The following RAB18 variants were observed in gnomAD, a reference collection of about 807,000 sequenced individuals.
The protein encoded by RAB18 is ras-related protein Rab-18.
In RAB18, 10 loss-of-function variants were observed where a neutral mutation model predicts 28.5. The ratio of observed to expected loss-of-function variants is 0.35; its 90% CI spans 0.22 to 0.60. RAB18 has a LOEUF of 0.60. Among genes scored for constraint, RAB18 ranks in the 20% least tolerant of loss-of-function variants. The pLI is 0.78. For missense variants in RAB18, 188 were observed against 244.2 expected (o/e 0.77, Z 1.53); for synonymous variants, 93 against 86.9 (o/e 1.07, Z -0.39).
chr10:27,529,251 G>T (rs1834740273), intron 3 of RAB18, among the ~76,000 whole-genome samples: 1 of 151,916 alleles, frequency 6.6e-6, no homozygotes, highest in Admixed American at 6.6e-5. Flanking sequence ...TGAAGAGGAG[G>T]TAAAGGGTGT....
intron 2 of RAB18, chr10:27,510,165 C>T: frequency 1.8e-6 from 1 of 552,954 alleles, no homozygotes; most frequent in Non-Finnish European, 3.2e-6. Context: ...ATTAAAACTG[C>T]TAATGTGATT....
At position 27,541,780 on chromosome 10, in the gene RAB18, G is replaced by C. The variant is rs530960985; in HGVS notation, c.*3729G>C. On this transcript the variant is annotated 3_prime_UTR_variant, in exon 7 of 7. Transcript: ENST00000356940. ...TGACTTTAATTTCTTGTTTGTGTGT[G>C]CTGTGGCTGCCCGATCCAGCACCTA... 3.3e-4 allele frequency: 148 copies of C among 453,592 alleles called. No homozygotes were observed. The highest frequency in any genetic ancestry group is 5.8e-4 in the Non-Finnish European group (132 of 226,692). 28.1% of individuals were successfully genotyped at this position (453,592 alleles called of 1,614,324 possible). A position where few individuals can be genotyped will look rare whatever the true frequency, so the allele number is the denominator to read the frequency against.
chr10:27,530,300 T>G (rs945817440), intron 3 of RAB18, among the ~76,000 whole-genome samples: 2 of 152,040 alleles, frequency 1.3e-5, no homozygotes, highest in Non-Finnish European at 2.9e-5. Context: ...AATAGCTGCT[T>G]CTTAAATTTC....
Position 27,539,478 on chromosome 10 carries a change from C to G in RAB18, c.*1427C>G, listed in dbSNP as rs1249378161. 3.1e-6 allele frequency: 1 copy of G among 326,900 alleles called. No individual in the cohort carries two copies. Among genetic ancestry groups the G allele is most frequent in the Non-Finnish European group, 5.9e-6 (1 of 169,742 alleles). The allele number at this position is 326,900 out of a possible 1,614,324, so 20.2% of individuals were successfully genotyped here. A position where few individuals can be genotyped will look rare whatever the true frequency, so the allele number is the denominator to read the frequency against. On this transcript the variant is annotated 3_prime_UTR_variant, in exon 7 of 7. Coordinates refer to ENST00000356940, the MANE Select transcript of RAB18 (RefSeq NM_021252.5). ...TCACATTCTACTTGATTTACACTTC[C>G]TAGTCTACATTACATGTGGTTGAAG...
intron 2 of RAB18, among the ~76,000 whole-genome samples, chr10:27,521,775 A>G (rs1016498991): frequency 3.3e-5 from 5 of 152,122 alleles, no homozygotes; most frequent in Admixed American, 1.3e-4. Context: ...GGGTGCACCA[A>G]AATCTCGGAA....
intron 2 of RAB18, among the ~76,000 whole-genome samples, chr10:27,521,402 G>C (rs1406019041): frequency 6.6e-6 from 1 of 152,128 alleles, no homozygotes; most frequent in East Asian, 1.9e-4. Context: ...ACTTTCACAT[G>C]CATGTTTATA....
chr10:27,537,841 A>G (rs1424080594), intron 6 of RAB18, 35 bp from the exon 7 acceptor site: 8 of 1,555,272 alleles, frequency 5.1e-6, no homozygotes, highest in Non-Finnish European at 7.1e-6. Flanking sequence ...CCAGAAAGGA[A>G]TATACTATGA....
chr10:27,540,547 C>T lies in RAB18; in HGVS notation c.*2496C>T, dbSNP rs1284596168. The stretch of plus-strand genomic sequence containing the variant: ...ATAGAGTAAATCCCATGATGTAAAC[C>T]TACCTCATAAGTCATGTGACATAAA... On this transcript the variant is annotated 3_prime_UTR_variant, in exon 7 of 7. Transcript: ENST00000356940. 2.2e-6 allele frequency: 1 copy of T among 453,940 alleles called. No homozygotes were observed. The highest frequency in any genetic ancestry group is 6.9e-5 in the East Asian group (1 of 14,406). 28.1% of individuals were successfully genotyped at this position (453,940 alleles called of 1,614,324 possible).
chr10:27,504,898 G>A (rs531057112), intron 1 of RAB18: 1 of 506,364 alleles, frequency 2.0e-6, no homozygotes, highest in East Asian at 5.5e-5. Flanking sequence ...TAATGTCCTC[G>A]GGAAGTTTCG....
chr10:27,535,910 C>T (rs930696847), intron 6 of RAB18, among the ~76,000 whole-genome samples: 7 of 152,018 alleles, frequency 4.6e-5, no homozygotes, highest in African/African-American at 1.4e-4. Flanking sequence ...GGTGAAACCC[C>T]GTCTCTACTA....
At chr10:27,517,925 T>C (rs1834470373) in intron 2 of RAB18, among the ~76,000 whole-genome samples, 1 of 152,146 alleles carries the variant, frequency 6.6e-6, no homozygotes, top group African/African-American at 2.4e-5. Context: ...TTTGAGAATG[T>C]CATGTAAGTG....
At chr10:27,531,999 G>A (rs1221773489) in intron 3 of RAB18, among the ~76,000 whole-genome samples, 1 of 151,822 alleles carries the variant, frequency 6.6e-6, no homozygotes, top group Admixed American at 6.6e-5. Flanking sequence ...CTCAAAAGGA[G>A]ATACATAGAA....
chr10:27,539,894 T>C lies in RAB18; in HGVS notation c.*1843T>C. 1 of 453,718 alleles carries C rather than the reference T, an allele frequency of 2.2e-6. No individual in the cohort carries two copies. Among genetic ancestry groups the C allele is most frequent in the Non-Finnish European group, 4.4e-6 (1 of 226,640 alleles). The allele number at this position is 453,718 out of a possible 1,614,324, so 28.1% of individuals were successfully genotyped here. On this transcript the variant is annotated 3_prime_UTR_variant, in exon 7 of 7. Transcript: ENST00000356940. ...CTCATCAGCTGAAGAATATGTACTA[T>C]TGTGTTACTCAAATTATGTGGCTTT...
chr10:27,534,146 G>T, intron 6 of RAB18, 152 bp downstream of exon 6: 3 of 719,766 alleles, frequency 4.2e-6, no homozygotes, highest in Non-Finnish European at 7.2e-6. Flanking sequence ...ATATAACAAG[G>T]TTCTTTATTC....
chr10:27,525,427 C>CTTT lies in RAB18; in HGVS notation c.125-1391_125-1389dup, dbSNP rs10655072. Among the ~76,000 whole-genome samples the CTTT allele has an allele frequency of 2.2e-3, 323 of 146,078 alleles. 2 individuals are homozygous for CTTT. The highest frequency in any genetic ancestry group is 0.021 in the Middle Eastern group (6 of 280). On this transcript the variant is annotated intron_variant, in intron 2 of 6. Transcript: ENST00000356940. The stretch of plus-strand genomic sequence containing the variant: ...GAATTTTCTCAGGGTTTGTGCTTTG[C>CTTT]TTTTTTTTTTTTAAAGCAATAGGAA...
At chr10:27,523,265 C>CTTTTTTTTTTTTTT (rs34006982) in intron 2 of RAB18, among the ~76,000 whole-genome samples, 1 of 79,538 alleles carries the variant, frequency 1.3e-5, no homozygotes, top group Non-Finnish European at 2.4e-5. Context: ...TTTTCTTCTT[C>CTTTTTTTTTTTTTT]TTTTTTTTTT....
chr10:27,538,443 C>T lies in RAB18; in HGVS notation c.*392C>T, dbSNP rs186601130. ...TTGGTATTTAGAACTCCTAGCACCA[C>T]GGGGAAGAATAGAGGTATCATCAAA... On this transcript the variant is annotated 3_prime_UTR_variant, in exon 7 of 7. Transcript: ENST00000356940. The T allele has an allele frequency of 7.9e-5, 36 of 455,578 alleles. No individual in the cohort carries two copies. The highest frequency in any genetic ancestry group is 2.1e-4 in the East Asian group (3 of 14,430). 28.2% of individuals were successfully genotyped at this position (455,578 alleles called of 1,614,324 possible).
At chr10:27,505,230 G>T in intron 1 of RAB18, 1 of 486,568 alleles carries the variant, frequency 2.1e-6, no homozygotes, top group Non-Finnish European at 4.2e-6. Context: ...AGAGGGCTGT[G>T]ATTTCATCCA....
At chr10:27,507,691 C>T (rs186894734) in intron 1 of RAB18, among the ~76,000 whole-genome samples, 22 of 151,838 alleles carry the variant, frequency 1.4e-4, no homozygotes, top group African/African-American at 5.3e-4. Flanking sequence ...GCATGGGAAA[C>T]ATTTTGCTCC....
Sources: gnomAD v4.1 joint callset for allele counts (sites outside exome capture counted in the v4.1 genomes callset) on GRCh38, gnomAD v4.1.1 for gene constraint, MANE v1.5 for transcripts, NCBI Gene and HGNC (gene_info 2026-07-23, HGNC 2026-07-21) for gene names.